SGPP2: variants seen among roughly 807,000 people sequenced by gnomAD.
SGPP2 encodes the protein sphingosine 1-phosphate phosphohydrolase 2.
Under a neutral mutation model 33.9 loss-of-function variants are expected in SGPP2, and 30 were observed. The observed-to-expected ratio is 0.89, with a 90% CI of 0.66 to 1.20. The LOEUF is 1.20. Among genes scored for constraint, SGPP2 ranks in the 50% most tolerant of loss-of-function variants. The pLI, the probability that SGPP2 is intolerant of heterozygous loss-of-function variation, is 0.00. For synonymous variants in SGPP2, 233 were observed against 225.0 expected, an observed-to-expected ratio of 1.04 and a Z score of -0.32; for missense variants, 458 against 532.1, an observed-to-expected ratio of 0.86 and a Z score of 1.37.
intron 3 of SGPP2, among the ~76,000 whole-genome samples, chr2:222,524,697 G>A (rs750455638): frequency 9.2e-5 from 14 of 152,132 alleles, no homozygotes; most frequent in African/African-American, 1.2e-4. Context: ...GTCCTACTAC[G>A]TCTCACGTGC....
At chr2:222,433,871 T>C (rs768016907) in intron 1 of SGPP2, among the ~76,000 whole-genome samples, 19 of 152,250 alleles carry the variant, frequency 1.2e-4, no homozygotes, top group Admixed American at 2.6e-4. Context: ...TTTCAATTAC[T>C]ATGTTTTAGG....
At chr2:222,478,400 G>T (rs753058151) in intron 2 of SGPP2, among the ~76,000 whole-genome samples, 1 of 151,848 alleles carries the variant, frequency 6.6e-6, no homozygotes, top group Non-Finnish European at 1.5e-5. Flanking sequence ...TGAAAGGAAG[G>T]GCAAGTCCCG....
intron 4 of SGPP2, among the ~76,000 whole-genome samples, chr2:222,534,935 A>C (rs368253517): frequency 6.6e-6 from 1 of 152,228 alleles, no homozygotes; most frequent in African/African-American, 2.4e-5. Flanking sequence ...TAACCACCAA[A>C]GGAGAAGTTC....
At chr2:222,540,258 A>G (rs1698971730) in intron 4 of SGPP2, among the ~76,000 whole-genome samples, 2 of 152,332 alleles carry the variant, frequency 1.3e-5, no homozygotes, top group South Asian at 2.1e-4. Context: ...CCTTGTACAC[A>G]TAACCTAAAG....
In SGPP2 at chr2:222,555,445, G is replaced by GTT. The variant is rs57228014; in HGVS notation, c.649-2882_649-2881dup. ...TGTTAGCTGCTCATTTCTTTTATCC[G>GTT]TTTTTTTTTTTTTTTTTTTTTGGTG... On this transcript the variant is annotated intron_variant, in intron 4 of 4. Coordinates refer to ENST00000321276, the MANE Select transcript of SGPP2 (RefSeq NM_152386.4). Among the ~76,000 whole-genome samples, 138 of 85,840 alleles carry GTT rather than the reference G, an allele frequency of 1.6e-3. 1 individual carries two copies. The highest frequency in any genetic ancestry group is 2.6e-3 in the South Asian group (6 of 2,296). The allele number at this position is 85,840 out of a possible 152,430, so 56.3% of individuals were successfully genotyped here. A position where few individuals can be genotyped will look rare whatever the true frequency, so the allele number is the denominator to read the frequency against.
At chr2:222,437,509 A>G (rs1300187720) in intron 1 of SGPP2, among the ~76,000 whole-genome samples, 2 of 152,224 alleles carry the variant, frequency 1.3e-5, no homozygotes, top group Non-Finnish European at 2.9e-5. Flanking sequence ...GGAACTCCCC[A>G]TGAGGCCATC....
chr2:222,533,404 G>T (rs78663160), intron 4 of SGPP2, among the ~76,000 whole-genome samples: 3 of 152,170 alleles, frequency 2.0e-5, no homozygotes, highest in African/African-American at 7.2e-5. Flanking sequence ...GGGACAGGTC[G>T]CAGAGCAGAA....
At chr2:222,453,509 G>A (rs1290184874) in intron 1 of SGPP2, among the ~76,000 whole-genome samples, 1 of 151,794 alleles carries the variant, frequency 6.6e-6, no homozygotes, top group African/African-American at 2.4e-5. Context: ...TTCCACCTCT[G>A]CCACCCCTAA....
chr2:222,445,839 C>G (rs75344827), intron 1 of SGPP2, among the ~76,000 whole-genome samples: 2,832 of 152,304 alleles, frequency 0.019, 101 homozygotes, highest in African/African-American at 0.064. Flanking sequence ...CCTGCCTCAT[C>G]ATCTGGGTAC....
intron 4 of SGPP2, among the ~76,000 whole-genome samples, chr2:222,555,421 G>T (rs1689373358): frequency 9.0e-6 from 1 of 111,582 alleles, no homozygotes; most frequent in Admixed American, 8.5e-5. Context: ...TTCCTTTTCT[G>T]TTAGCTGCTC....
intron 4 of SGPP2, among the ~76,000 whole-genome samples, chr2:222,525,702 G>T (rs920710061): frequency 1.3e-5 from 2 of 152,206 alleles, no homozygotes; most frequent in Admixed American, 1.3e-4. Flanking sequence ...GACCACAGGG[G>T]CGCTATTTAT....
At chr2:222,433,023 G>A (rs931639431) in intron 1 of SGPP2, among the ~76,000 whole-genome samples, 4 of 122,612 alleles carry the variant, frequency 3.3e-5, no homozygotes, top group Non-Finnish European at 6.5e-5. Flanking sequence ...CTCTGAAAAA[G>A]AAAGAAAGAG....
Position 222,481,827 on chromosome 2 carries a change from AT to A in SGPP2, c.378+7108del, listed in dbSNP as rs1169285649. On this transcript the variant is annotated intron_variant, in intron 2 of 4. Coordinates refer to ENST00000321276, the MANE Select transcript of SGPP2 (RefSeq NM_152386.4). Reference sequence around the variant, plus strand: ...AAATTTGTTTCTGAGTTTCTTCTTGATTTTTTTCCCCATTTGTAAGATTTGT... The same window carrying A: ...AAATTTGTTTCTGAGTTTCTTCTTGATTTTTTCCCCATTTGTAAGATTTGT... 3.3e-5 allele frequency among the ~76,000 whole-genome samples: 5 copies of A among 152,130 alleles called. No individual in the cohort carries two copies. In the East Asian group the frequency reaches 5.8e-4, roughly 18 times the overall value.
chr2:222,528,252 T>C (rs2106139035), intron 4 of SGPP2, among the ~76,000 whole-genome samples: 2 of 152,322 alleles, frequency 1.3e-5, no homozygotes, highest in South Asian at 4.1e-4. Context: ...GACAGATGAA[T>C]GGATGAACAT....
At chr2:222,470,730 G>A (rs375291787) in intron 1 of SGPP2, among the ~76,000 whole-genome samples, 7 of 152,246 alleles carry the variant, frequency 4.6e-5, no homozygotes, top group African/African-American at 1.7e-4. Flanking sequence ...GTTAGAGTTC[G>A]GCAAAATTTA....
chr2:222,458,921 T>C (rs973942221), intron 1 of SGPP2, among the ~76,000 whole-genome samples: 1 of 152,198 alleles, frequency 6.6e-6, no homozygotes, highest in African/African-American at 2.4e-5. Flanking sequence ...TAGGCCCAGA[T>C]AGAATAGCAA....
At chr2:222,486,158 G>T (rs544140331) in intron 2 of SGPP2, among the ~76,000 whole-genome samples, 14 of 152,106 alleles carry the variant, frequency 9.2e-5, no homozygotes, top group Non-Finnish European at 1.6e-4. Context: ...GCAGGGAGGT[G>T]CTGCATTTGC....
chr2:222,427,400 A>G (rs1001013967), intron 1 of SGPP2, among the ~76,000 whole-genome samples: 1 of 152,066 alleles, frequency 6.6e-6, no homozygotes, highest in African/African-American at 2.4e-5. Context: ...AGCTAAGACT[A>G]CGGATGCATG....
At chr2:222,472,084 C>T (rs1296225856) in intron 1 of SGPP2, among the ~76,000 whole-genome samples, 1 of 152,164 alleles carries the variant, frequency 6.6e-6, no homozygotes, top group Non-Finnish European at 1.5e-5. Flanking sequence ...CTAAGCGTTT[C>T]TCACACCATC....
Sources: allele counts gnomAD v4.1 joint callset (sites outside exome capture counted in the v4.1 genomes callset), GRCh38; gene constraint gnomAD v4.1.1; transcripts MANE v1.5; gene names NCBI Gene and HGNC (gene_info 2026-07-23, HGNC 2026-07-21).